GFRA2: variants seen among roughly 807,000 people sequenced by gnomAD.
GFRA2 encodes GDNF family receptor alpha-2.
A neutral mutation model predicts 48.3 loss-of-function variants in GFRA2; 17 were observed. That is an observed-to-expected ratio of 0.35 (90% CI 0.24 to 0.53). The LOEUF (loss-of-function observed/expected upper bound fraction) is 0.53. Among genes scored for constraint, GFRA2 ranks in the 20% least tolerant of loss-of-function variants. GFRA2 has a pLI of 0.93. For synonymous variants in GFRA2, 305 were observed against 257.2 expected (o/e 1.19, Z -1.78); for missense variants, 660 against 637.3 (o/e 1.04, Z -0.38).
intron 8 of GFRA2, among the ~76,000 whole-genome samples, chr8:21,694,075 T>TATATATATA (rs1563209422): frequency 1.4e-4 from 7 of 49,136 alleles, no homozygotes; most frequent in African/African-American, 2.2e-4. Flanking sequence ...ATTTATTTAT[T>TATATATATA]TTTATATATA....
chr8:21,714,736 G>A (rs1803249834), intron 4 of GFRA2, among the ~76,000 whole-genome samples: 2 of 152,140 alleles, frequency 1.3e-5, no homozygotes, highest in Admixed American at 6.5e-5. Flanking sequence ...GGACACAGAA[G>A]CTCAGAAAGG....
intron 5 of GFRA2, 68 bp downstream of exon 5, chr8:21,705,864 C>A: frequency 9.4e-7 from 1 of 1,062,136 alleles, no homozygotes; most frequent in Non-Finnish European, 1.4e-6. Context: ...AGCTGGGCTG[C>A]GGCCCCTGCC....
intron 4 of GFRA2, among the ~76,000 whole-genome samples, chr8:21,727,593 C>T (rs1478357129): frequency 6.6e-6 from 1 of 152,196 alleles, no homozygotes; most frequent in East Asian, 1.9e-4. Context: ...TTCCTAGATT[C>T]CCAGTGCCCT....
intron 4 of GFRA2, among the ~76,000 whole-genome samples, chr8:21,749,769 T>C (rs1805187628): frequency 6.6e-6 from 1 of 151,590 alleles, no homozygotes; most frequent in Non-Finnish European, 1.5e-5. Context: ...CGGACGGTCC[T>C]AGCTTTGAAT....
intron 4 of GFRA2, among the ~76,000 whole-genome samples, chr8:21,744,294 G>A (rs1804887688): frequency 1.3e-5 from 2 of 152,162 alleles, no homozygotes; most frequent in African/African-American, 4.8e-5. Flanking sequence ...TCTCTGACAA[G>A]GGCAGTGTCC....
intron 2 of GFRA2, among the ~76,000 whole-genome samples, chr8:21,776,620 G>A (rs1055581803): frequency 1.3e-5 from 2 of 152,004 alleles, no homozygotes; most frequent in Non-Finnish European, 2.9e-5. Flanking sequence ...ACAGGCACGT[G>A]CCACCATGCC....
chr8:21,800,912 T>G (rs1585352755), intron 2 of GFRA2, among the ~76,000 whole-genome samples: 5 of 130,840 alleles, frequency 3.8e-5, no homozygotes, highest in East Asian at 2.2e-4. Context: ...GGTCACAGAG[T>G]GAGACCTGGT....
intron 4 of GFRA2, among the ~76,000 whole-genome samples, chr8:21,711,403 C>T (rs79100210): frequency 1.4e-3 from 219 of 152,228 alleles, no homozygotes; most frequent in Middle Eastern, 0.01. Flanking sequence ...CGGCTGAGAC[C>T]AAGCTAAGTC....
intron 4 of GFRA2, among the ~76,000 whole-genome samples, chr8:21,721,691 G>A (rs1280103611): frequency 6.6e-6 from 1 of 152,156 alleles, no homozygotes; most frequent in Non-Finnish European, 1.5e-5. Flanking sequence ...ATAAGAAAAA[G>A]GCAGTCCAAT....
chr8:21,737,828 C>G (rs1804546802), intron 4 of GFRA2, among the ~76,000 whole-genome samples: 1 of 152,196 alleles, frequency 6.6e-6, no homozygotes, highest in Non-Finnish European at 1.5e-5. Flanking sequence ...AACACCTAAT[C>G]AAACAGGGCC....
chr8:21,742,712 G>A (rs1804811722), intron 4 of GFRA2, among the ~76,000 whole-genome samples: 1 of 152,170 alleles, frequency 6.6e-6, no homozygotes, highest in African/African-American at 2.4e-5. Context: ...AACAAACTAT[G>A]CTGGCTTGCA....
upstream of GFRA2, among the ~76,000 whole-genome samples, chr8:21,792,284 C>A (rs1807586500): frequency 6.6e-6 from 1 of 152,236 alleles, no homozygotes; most frequent in East Asian, 1.9e-4. Context: ...AATCTTATTC[C>A]TTTGTGAAGG....
chr8:21,738,855 G>A (rs761050684), intron 4 of GFRA2, among the ~76,000 whole-genome samples: 5 of 152,344 alleles, frequency 3.3e-5, no homozygotes, highest in Non-Finnish European at 7.3e-5. Context: ...CAGCATCCCA[G>A]GTGCAAGGCT....
chr8:21,782,924 G>T, intron 1 of GFRA2, 25 bp from the exon 2 acceptor site: 1 of 1,533,410 alleles, frequency 6.5e-7, no homozygotes, highest in Non-Finnish European at 8.7e-7. Context: ...GGGAAGACAA[G>T]CATGAATGAC....
intron 4 of GFRA2, among the ~76,000 whole-genome samples, chr8:21,730,445 A>AG (rs756925815): frequency 1.8e-4 from 27 of 152,072 alleles, no homozygotes; most frequent in Admixed American, 1.3e-4. Context: ...ACAGAAATGA[A>AG]GGAGCTGCAG....
chr8:21,693,455 C>G (rs959179794), intron 8 of GFRA2, 55 bp from the exon 9 acceptor site: 21 of 1,527,102 alleles, frequency 1.4e-5, no homozygotes, highest in Non-Finnish European at 1.9e-5. Flanking sequence ...ACAAAGAAAA[C>G]AGTCAGGAGG....
At chr8:21,771,705 G>A (rs1476870057) in intron 3 of GFRA2, among the ~76,000 whole-genome samples, 2 of 152,166 alleles carry the variant, frequency 1.3e-5, no homozygotes, top group African/African-American at 4.8e-5. Flanking sequence ...ACAGGAGCTG[G>A]TAAACAGATA....
intron 1 of GFRA2, among the ~76,000 whole-genome samples, chr8:21,811,180 G>GA (rs1807973753): frequency 6.6e-6 from 1 of 152,176 alleles, no homozygotes; most frequent in Non-Finnish European, 1.5e-5. Flanking sequence ...CCCCTGTGGA[G>GA]GCCCAGCCAG....
At chr8:21,759,317 C>T (rs544693688) in intron 3 of GFRA2, among the ~76,000 whole-genome samples, 84 of 151,166 alleles carry the variant, frequency 5.6e-4, no homozygotes, top group African/African-American at 1.9e-3. Flanking sequence ...ACCCAGGAGG[C>T]AGAGGTTGCA....
Sources: allele counts gnomAD v4.1 joint callset (sites outside exome capture counted in the v4.1 genomes callset), GRCh38; gene constraint gnomAD v4.1.1; transcripts MANE v1.5; gene names NCBI Gene and HGNC (gene_info 2026-07-23, HGNC 2026-07-21).